KCNMB2: variants seen among roughly 807,000 people sequenced by gnomAD.
KCNMB2 encodes the protein potassium calcium-activated channel subfamily M regulatory beta subunit 2, also known as calcium-activated potassium channel subunit beta-2.
A neutral mutation model predicts 24.5 loss-of-function variants in KCNMB2; 9 were observed. The observed-to-expected ratio is 0.37, with a 90% CI of 0.22 to 0.64. KCNMB2 has a LOEUF of 0.64. Among genes scored for constraint, KCNMB2 ranks in the 30% least tolerant of loss-of-function variants. The pLI is 0.63. For missense variants in KCNMB2, 226 were observed against 284.3 expected, an observed-to-expected ratio of 0.79 and a Z score of 1.47; for synonymous variants, 109 against 104.4, an observed-to-expected ratio of 1.04 and a Z score of -0.27.
At chr3:178,753,685 A>G (rs1456806061) in intron 1 of KCNMB2, among the ~76,000 whole-genome samples, 1 of 152,176 alleles carries the variant, frequency 6.6e-6, no homozygotes, top group African/African-American at 2.4e-5. Context: ...TAAAAAGTAT[A>G]TATATTTATG....
chr3:178,689,622 C>CGT (rs1317804049), intron 1 of KCNMB2, among the ~76,000 whole-genome samples: 1 of 152,006 alleles, frequency 6.6e-6, no homozygotes, highest in Non-Finnish European at 1.5e-5. Context: ...GGAGAGAGAG[C>CGT]GAGACTCTGT....
At chr3:178,538,529 T>C (rs1715482465) in intron 1 of KCNMB2, among the ~76,000 whole-genome samples, 1 of 152,272 alleles carries the variant, frequency 6.6e-6, no homozygotes, top group Admixed American at 6.5e-5. Context: ...TCACTGCCTC[T>C]GGTCTTACCG....
At position 178,685,585 on chromosome 3, in the gene KCNMB2, C is replaced by G. The variant is rs572726607; in HGVS notation, c.-67-121758C>G. Among the ~76,000 whole-genome samples the G allele has an allele frequency of 2.0e-5, 3 of 152,308 alleles. No individual in the cohort carries two copies. In the South Asian group the frequency reaches 6.2e-4, roughly 32 times the overall value. On this transcript the variant is annotated intron_variant, in intron 1 of 4. Transcript: ENST00000452583. Reference sequence around the variant, plus strand: ...CTGTTTTTATATTTAGGAATTGATACTTAATACTTTAGTCACCTTGTTTTT... The same window carrying G: ...CTGTTTTTATATTTAGGAATTGATAGTTAATACTTTAGTCACCTTGTTTTT...
intron 1 of KCNMB2, among the ~76,000 whole-genome samples, chr3:178,606,405 A>G (rs988568879): frequency 6.6e-6 from 1 of 151,646 alleles, no homozygotes; most frequent in Non-Finnish European, 1.5e-5. Flanking sequence ...CAGCTGTAAG[A>G]CCTCATGAAG....
At chr3:178,667,841 A>G (rs1720772786) in intron 1 of KCNMB2, among the ~76,000 whole-genome samples, 1 of 151,996 alleles carries the variant, frequency 6.6e-6, no homozygotes, top group African/African-American at 2.4e-5. Context: ...TTCCTGTCCA[A>G]ACTTCTATTT....
At chr3:178,790,818 G>A (rs1713293220) in intron 1 of KCNMB2, among the ~76,000 whole-genome samples, 1 of 152,186 alleles carries the variant, frequency 6.6e-6, no homozygotes, top group South Asian at 2.1e-4. Context: ...TCTCTGCCTG[G>A]TAATCCAGGG....
intron 1 of KCNMB2, among the ~76,000 whole-genome samples, chr3:178,594,736 T>A (rs1717803659): frequency 6.6e-6 from 1 of 152,074 alleles, no homozygotes; most frequent in Non-Finnish European, 1.5e-5. Flanking sequence ...CACATAAGCA[T>A]TATTTATAAG....
intron 1 of KCNMB2, among the ~76,000 whole-genome samples, chr3:178,694,930 T>C (rs965013653): frequency 6.6e-6 from 1 of 152,210 alleles, no homozygotes; most frequent in Non-Finnish European, 1.5e-5. Flanking sequence ...AGTGCCCCAG[T>C]GGGAACTCTG....
chr3:178,670,801 G>A (rs576413930), intron 1 of KCNMB2, among the ~76,000 whole-genome samples: 30 of 152,220 alleles, frequency 2.0e-4, no homozygotes, highest in African/African-American at 2.9e-4. Context: ...AGCTGAAGCC[G>A]GGAGAGGTGA....
chr3:178,626,914 T>C (rs1719141878), intron 1 of KCNMB2, among the ~76,000 whole-genome samples: 1 of 148,866 alleles, frequency 6.7e-6, no homozygotes, highest in African/African-American at 2.4e-5. Context: ...TATATATAAG[T>C]ATATATATAA....
intron 1 of KCNMB2, among the ~76,000 whole-genome samples, chr3:178,580,330 T>C (rs1717152862): frequency 1.3e-5 from 2 of 152,166 alleles, no homozygotes; most frequent in Non-Finnish European, 2.9e-5. Flanking sequence ...CAGCCCTTCA[T>C]GCTAAAAACT....
At chr3:178,663,061 T>C (rs1192003220) in intron 1 of KCNMB2, among the ~76,000 whole-genome samples, 1 of 152,164 alleles carries the variant, frequency 6.6e-6, no homozygotes, top group Non-Finnish European at 1.5e-5. Context: ...TGGCTAGGCT[T>C]ACTTATTCTG....
chr3:178,632,756 C>G (rs1211015417), intron 1 of KCNMB2, among the ~76,000 whole-genome samples: 2 of 152,158 alleles, frequency 1.3e-5, no homozygotes, highest in African/African-American at 4.8e-5. Flanking sequence ...CAACAGTTCC[C>G]CAAAGTCTTA....
chr3:178,812,299 C>T (rs574777355), intron 2 of KCNMB2, among the ~76,000 whole-genome samples: 4 of 151,862 alleles, frequency 2.6e-5, no homozygotes, highest in African/African-American at 9.7e-5. Context: ...AGGTTTGTTA[C>T]ATATGTATAC....
chr3:178,548,287 T>A (rs1715839882), intron 1 of KCNMB2, among the ~76,000 whole-genome samples: 1 of 152,180 alleles, frequency 6.6e-6, no homozygotes, highest in Non-Finnish European at 1.5e-5. Flanking sequence ...TCTTGCAATC[T>A]CTTTCTGCCC....
At chr3:178,658,027 C>T (rs1720403688) in intron 1 of KCNMB2, among the ~76,000 whole-genome samples, 1 of 152,220 alleles carries the variant, frequency 6.6e-6, no homozygotes, top group African/African-American at 2.4e-5. Context: ...CATCTTTTAA[C>T]CATGGCACTT....
At chr3:178,759,729 CATATATATATCCAAGAGGATATATCTAT>C (rs1560009542) in intron 1 of KCNMB2, among the ~76,000 whole-genome samples, 3,464 of 42,116 alleles carry the variant, frequency 0.082, 612 homozygotes, top group East Asian at 0.17. Context: ...TATATATACA[CATATATATATCCAAGAGGATATATCTAT>C]ATATATATAT....
chr3:178,760,502 A>G (rs947037645), intron 1 of KCNMB2, among the ~76,000 whole-genome samples: 1 of 113,810 alleles, frequency 8.8e-6, no homozygotes, highest in Non-Finnish European at 1.9e-5. Flanking sequence ...TATCTCCAAG[A>G]GTTTCGTGTG....
At chr3:178,673,941 A>G (rs1034597776) in intron 1 of KCNMB2, among the ~76,000 whole-genome samples, 1 of 152,196 alleles carries the variant, frequency 6.6e-6, no homozygotes, top group Non-Finnish European at 1.5e-5. Flanking sequence ...AATAAAGTTT[A>G]CTAACCACTC....
Sources: gnomAD v4.1 joint callset for allele counts (sites outside exome capture counted in the v4.1 genomes callset) on GRCh38, gnomAD v4.1.1 for gene constraint, MANE v1.5 for transcripts, NCBI Gene and HGNC (gene_info 2026-07-23, HGNC 2026-07-21) for gene names.